The following PRUNE2 variants were observed in gnomAD, a reference collection of about 807,000 sequenced individuals.
PRUNE2 encodes the protein prune homolog 2 with BCH domain.
A neutral mutation model predicts 252.0 loss-of-function variants in PRUNE2; 164 were observed. That is an observed-to-expected ratio of 0.65 (90% CI 0.57 to 0.74). The LOEUF is 0.74. Ranked by LOEUF, PRUNE2 falls within the 30% of genes least tolerant of loss-of-function variation. PRUNE2 has a pLI of 0.00. For synonymous variants in PRUNE2, 1,292 were observed against 1,350.2 expected (o/e 0.96, Z 0.94); for missense variants, 3,495 against 3,711.0 (o/e 0.94, Z 1.51).
rs1343131712 is a variant in PRUNE2 at position 76,707,383 on chromosome 9, C to T, written c.4891G>A (p.Gly1631Ser). The change falls in exon 8 of 19, where the codon GGT becomes AGT. Residue 1631 changes from glycine to serine, a missense_variant. Coordinates refer to ENST00000376718, the MANE Select transcript of PRUNE2 (RefSeq NM_015225.3). ...FLEIWNDSVD[G>S]DSFSSLSSPE... Reference sequence around the variant, plus strand: ...CTGGATAAAGAGGAAAAGGAATCACCATCAACTGAGTCATTCCAGATCTCT... The same window carrying T: ...CTGGATAAAGAGGAAAAGGAATCACTATCAACTGAGTCATTCCAGATCTCT... 3.1e-6 allele frequency: 5 copies of T among 1,613,754 alleles called. No homozygotes were observed. The highest frequency in any genetic ancestry group is 4.2e-6 in the Non-Finnish European group (5 of 1,179,788).
At chr9:76,638,422 T>C (rs1402089141) in intron 12 of PRUNE2, 134 bp from the exon 13 acceptor site, 10 of 641,630 alleles carry the variant, frequency 1.6e-5, no homozygotes, top group Non-Finnish European at 2.5e-5. Context: ...ATGGGGATTA[T>C]GTTGACTATA....
intron 9 of PRUNE2, among the ~76,000 whole-genome samples, chr9:76,676,080 AAACAAAAAAAACT>A (rs2042521108): frequency 6.6e-6 from 1 of 151,506 alleles, no homozygotes; most frequent in Non-Finnish European, 1.5e-5. Context: ...AAAAAACCAA[AAACAAAAAAAACT>A]AATAGCCAAT....
At chr9:76,667,203 G>A (rs7862059) in intron 9 of PRUNE2, among the ~76,000 whole-genome samples, 13,425 of 152,244 alleles carry the variant, frequency 0.088, 815 homozygotes, top group African/African-American at 0.17. Context: ...CTCTGGTGTG[G>A]CACATATTGT....
Position 76,906,105 on chromosome 9 carries a change from T to C in PRUNE2, c.-142A>G, listed in dbSNP as rs1452823560. On this transcript the variant is annotated 5_prime_UTR_variant, in exon 1 of 19. Coordinates refer to ENST00000376718, the MANE Select transcript of PRUNE2 (RefSeq NM_015225.3). ...CTCCCTCCTGCCGCTCTGAGGCGGC[T>C]GCGGCGGAGGCTGTGCTTGCGCCCT... 2.2e-6 allele frequency: 2 copies of C among 906,260 alleles called. No individual in the cohort carries two copies. Among genetic ancestry groups the C allele is most frequent in the East Asian group, 5.1e-5 (2 of 39,216 alleles). The allele number at this position is 906,260 out of a possible 1,614,324, so 56.1% of individuals were successfully genotyped here.
intron 6 of PRUNE2, among the ~76,000 whole-genome samples, chr9:76,821,120 T>C (rs1476101494): frequency 6.6e-6 from 1 of 152,192 alleles, no homozygotes; most frequent in African/African-American, 2.4e-5. Flanking sequence ...GTTGGTCACC[T>C]AGACTACATT....
intron 9 of PRUNE2, among the ~76,000 whole-genome samples, chr9:76,664,701 T>C (rs983505349): frequency 2.0e-5 from 3 of 152,046 alleles, no homozygotes; most frequent in African/African-American, 4.8e-5. Context: ...TTAGGAGAGA[T>C]GGGGTTTCAC....
chr9:76,709,910 A>G lies in PRUNE2; in HGVS notation c.2364T>C (p.Asp788=), dbSNP rs749997281. 1.2e-6 allele frequency: 2 copies of G among 1,613,896 alleles called. No homozygotes were observed. Among genetic ancestry groups the G allele is most frequent in the East Asian group, 2.2e-5 (1 of 44,860 alleles). Residue 788 remains aspartate (D), a synonymous_variant, in exon 8 of 19, where the codon GAT becomes GAC. Transcript: ENST00000376718. ...MPEPWGNPTD[D]GEPAAVAPFP... ...ATGGCGCCACAGCTGCTGGTTCACC[A>G]TCATCTGTAGGATTTCCCCAGGGCT...
chr9:76,885,260 G>C (rs903837977), intron 1 of PRUNE2, among the ~76,000 whole-genome samples: 4 of 152,212 alleles, frequency 2.6e-5, no homozygotes, highest in Non-Finnish European at 4.4e-5. Context: ...TGCTGAGAGG[G>C]ACACCAAACT....
intron 6 of PRUNE2, among the ~76,000 whole-genome samples, chr9:76,793,338 A>C (rs530272449): frequency 6.6e-6 from 1 of 152,382 alleles, no homozygotes; most frequent in African/African-American, 2.4e-5. Context: ...GAGGTTTACA[A>C]GCAAAAGTTG....
chr9:76,751,667 T>C (rs1057240117), intron 6 of PRUNE2, among the ~76,000 whole-genome samples: 19 of 152,110 alleles, frequency 1.2e-4, no homozygotes, highest in African/African-American at 4.1e-4. Context: ...TCAATATATT[T>C]GGAAAAAAAC....
intron 6 of PRUNE2, among the ~76,000 whole-genome samples, chr9:76,717,231 G>A (rs1179612011): frequency 6.6e-6 from 1 of 152,210 alleles, no homozygotes; most frequent in African/African-American, 2.4e-5. Flanking sequence ...ATAATGTCAA[G>A]AGTTTCATGT....
chr9:76,851,801 G>A (rs950314097), intron 2 of PRUNE2, among the ~76,000 whole-genome samples: 3 of 151,692 alleles, frequency 2.0e-5, no homozygotes, highest in African/African-American at 7.3e-5. Context: ...GGCAACCAGA[G>A]AAAACAGGAG....
At chr9:76,837,320 C>CAT in intron 4 of PRUNE2, among the ~76,000 whole-genome samples, 1 of 152,006 alleles carries the variant, frequency 6.6e-6, no homozygotes. Context: ...CGGGCACCTG[C>CAT]AGTCCCAACT....
chr9:76,720,974 G>A (rs1056065327), intron 6 of PRUNE2, among the ~76,000 whole-genome samples: 9 of 152,122 alleles, frequency 5.9e-5, no homozygotes, highest in Admixed American at 3.9e-4. Context: ...GGTGACCGGC[G>A]CGTGTAGTCC....
chr9:76,615,045 C>T (rs975717697), intron 18 of PRUNE2: 1 of 949,202 alleles, frequency 1.1e-6, no homozygotes, highest in African/African-American at 1.8e-5. Context: ...AACAAAACAA[C>T]ACCAAACATT....
In PRUNE2 at chr9:76,624,487, C is replaced by T. The variant is rs1390120930; in HGVS notation, c.9153G>A (p.Leu3051=). 2.8e-6 allele frequency: 4 copies of T among 1,428,840 alleles called. No homozygotes were observed. Among genetic ancestry groups the T allele is most frequent in the Non-Finnish European group, 3.7e-6 (4 of 1,086,804 alleles). The allele number at this position is 1,428,840 out of a possible 1,614,324, so 88.5% of individuals were successfully genotyped here. The change falls in exon 17 of 19, where the codon CTG becomes CTA. Residue 3051 remains leucine, a synonymous_variant. Transcript: ENST00000376718. The stretch of plus-strand genomic sequence containing the variant: ...CTGATGCTTCCCTCAGTTCTTCATC[C>T]AGTCTGCAGGAGCAAAAATTATTGG... ...CIHIPESIIK[L]DEELREASEA...
At chr9:76,782,139 G>A (rs369636810) in intron 6 of PRUNE2, among the ~76,000 whole-genome samples, 1 of 152,110 alleles carries the variant, frequency 6.6e-6, no homozygotes, top group Non-Finnish European at 1.5e-5. Flanking sequence ...GCATGAACCC[G>A]GGAGGTGGAG....
intron 11 of PRUNE2, among the ~76,000 whole-genome samples, chr9:76,649,612 T>TGATTGATAGATAGATA (rs1554795863): frequency 6.7e-6 from 1 of 149,868 alleles, no homozygotes; most frequent in African/African-American, 2.5e-5. Flanking sequence ...GATAGATAGA[T>TGATTGATAGATAGATA]GATAGATAGA....
chr9:76,718,043 C>A (rs908777000), intron 6 of PRUNE2, among the ~76,000 whole-genome samples: 1 of 152,144 alleles, frequency 6.6e-6, no homozygotes, highest in Non-Finnish European at 1.5e-5. Context: ...CTCATTATAA[C>A]CCAGAGGAGG....
Sources: gnomAD v4.1 joint callset for allele counts (sites outside exome capture counted in the v4.1 genomes callset) on GRCh38, gnomAD v4.1.1 for gene constraint, MANE v1.5 for transcripts, NCBI Gene and HGNC (gene_info 2026-07-23, HGNC 2026-07-21) for gene names.